Variants in SLC11A2 observed in about 807,000 individuals in gnomAD.
The protein encoded by SLC11A2 is solute carrier family 11 member 2, also known as natural resistance-associated macrophage protein 2.
A neutral mutation model predicts 68.0 loss-of-function variants in SLC11A2; 38 were observed. The observed-to-expected ratio is 0.56, with a 90% CI of 0.43 to 0.73. The LOEUF (loss-of-function observed/expected upper bound fraction) is 0.73, where lower values mean the gene tolerates loss of function less well. Among genes scored for constraint, SLC11A2 ranks in the 30% least tolerant of loss-of-function variants. The probability of loss-of-function intolerance (pLI) is 0.00; values close to 1 mark genes in which losing one functional copy is unlikely to be tolerated. For missense variants in SLC11A2, 517 were observed against 690.5 expected (o/e 0.75, Z 2.82); for synonymous variants, 242 against 250.6 (o/e 0.97, Z 0.32).
chr12:51,005,599 C>T, intron 3 of SLC11A2, 163 bp from the exon 4 acceptor site: 1 of 1,460,068 alleles, frequency 6.8e-7, no homozygotes, highest in Non-Finnish European at 9.2e-7. Flanking sequence ...ATCTTACCCA[C>T]TTTTTATTAA....
chr12:51,000,169 A>G, intron 6 of SLC11A2, 144 bp downstream of exon 6: 1 of 699,656 alleles, frequency 1.4e-6, no homozygotes, highest in South Asian at 1.5e-5. Flanking sequence ...ACCAGGGGAG[A>G]AGAAATTGTT....
chr12:51,005,438 T>G lies in SLC11A2; in HGVS notation c.184-2A>C. On this transcript the variant is annotated splice_acceptor_variant, in intron 3 of 15. Transcript: ENST00000262052. LOFTEE classifies it high-confidence loss of function. Reference sequence around the variant, plus strand: ...TTTACGAAAGCTAAAACAAGAGTACTGTACAAGAGAGGAAAAGAGATTAAA... The same window carrying G: ...TTTACGAAAGCTAAAACAAGAGTACGGTACAAGAGAGGAAAAGAGATTAAA... The G allele has an allele frequency of 6.2e-7, 1 of 1,613,638 alleles. No individual in the cohort carries two copies. Among genetic ancestry groups the G allele is most frequent in the Non-Finnish European group, 8.5e-7 (1 of 1,179,728 alleles).
chr12:50,983,655 T>C (rs758804496), downstream of SLC11A2, among the ~76,000 whole-genome samples: 2 of 152,008 alleles, frequency 1.3e-5, no homozygotes, highest in South Asian at 2.1e-4. Flanking sequence ...CTGACCAACA[T>C]GGTAAAACCC....
Position 51,004,842 on chromosome 12 carries a change from C to T in SLC11A2, c.375G>A (p.Leu125=), listed in dbSNP as rs1942584426. The change falls in exon 5 of 16, where the codon CTG becomes CTA. Residue 125 remains leucine (L), a synonymous_variant. Coordinates refer to ENST00000262052, the MANE Select transcript of SLC11A2 (RefSeq NM_000617.3). ...GLLLQRLAAR[L]GVVTGLHLAE... The stretch of plus-strand genomic sequence containing the variant: ...CAAGATGCAGCCCAGTAACCACTCC[C>T]AGTCTAGCTGCAAGCCGCTGGAGCA... 4 of 1,613,948 alleles carry T rather than the reference C, an allele frequency of 2.5e-6. No homozygotes were observed. Among genetic ancestry groups the T allele is most frequent in the Non-Finnish European group, 2.5e-6 (3 of 1,179,966 alleles).
upstream of SLC11A2, chr12:51,028,486 T>G: frequency 2.5e-6 from 1 of 407,702 alleles, no homozygotes; most frequent in South Asian, 7.1e-5. Context: ...TTCAAAAATT[T>G]TATTCTAAGA....
In SLC11A2 at chr12:50,994,501, A is replaced by G. The variant is rs767388054; in HGVS notation, c.1077+43T>C. On this transcript the variant is annotated intron_variant, in intron 11 of 15. Coordinates refer to ENST00000262052, the MANE Select transcript of SLC11A2 (RefSeq NM_000617.3). ...AAAAAGACCACATACTATGCTAAAAATACTGATTCAGGAACAAAGATCACA... is the reference window on the plus strand; with the variant it reads ...AAAAAGACCACATACTATGCTAAAAGTACTGATTCAGGAACAAAGATCACA... 5 of 1,271,882 alleles carry G rather than the reference A, an allele frequency of 3.9e-6. No individual in the cohort carries two copies. In the African/African-American group the frequency reaches 5.9e-5, roughly 15 times the overall value. The allele number at this position is 1,271,882 out of a possible 1,614,324, so 78.8% of individuals were successfully genotyped here.
intron 3 of SLC11A2, among the ~76,000 whole-genome samples, chr12:51,007,491 C>T (rs556388183): frequency 7.3e-5 from 11 of 151,424 alleles, no homozygotes; most frequent in Non-Finnish European, 1.2e-4. Flanking sequence ...CCCACCACTA[C>T]GCCCAGCTAA....
intron 1 of SLC11A2, among the ~76,000 whole-genome samples, chr12:51,023,086 C>A (rs1944153183): frequency 6.6e-6 from 1 of 152,152 alleles, no homozygotes; most frequent in South Asian, 2.1e-4. Context: ...CTTGAAGGCT[C>A]TTCTTTGTGT....
At position 51,009,720 on chromosome 12, in the gene SLC11A2, C is replaced by G. The variant is rs185428095; in HGVS notation, c.34+975G>C. On this transcript the variant is annotated intron_variant, in intron 2 of 15. Transcript: ENST00000262052. ...CTGTATTTTACTGCTCCATACACATCTGAAACACCAGGAAGCATCATGAGT... is the reference window on the plus strand; with the variant it reads ...CTGTATTTTACTGCTCCATACACATGTGAAACACCAGGAAGCATCATGAGT... 5.1e-4 allele frequency among the ~76,000 whole-genome samples: 77 copies of G among 152,338 alleles called. 1 individual carries two copies. Among genetic ancestry groups the G allele is most frequent in the Admixed American group, 2.0e-3 (30 of 15,306 alleles).
At chr12:50,961,091 C>T in the SLC11A2 span, 1 of 1,613,822 alleles carries the variant, frequency 6.2e-7, no homozygotes, top group Non-Finnish European at 8.5e-7. Flanking sequence ...GTTGTTGGAG[C>T]TGTGACTCTA....
chr12:50,956,795 C>A, the SLC11A2 span, among the ~76,000 whole-genome samples: 3 of 152,096 alleles, frequency 2.0e-5, no homozygotes, highest in Non-Finnish European at 4.4e-5. Flanking sequence ...ATCTTTGTGT[C>A]ATTTTCTTGA....
the SLC11A2 span, among the ~76,000 whole-genome samples, chr12:50,953,624 C>T: frequency 6.6e-6 from 1 of 152,172 alleles, no homozygotes; most frequent in Admixed American, 6.6e-5. Context: ...TAAAATGATA[C>T]TTTAAAAAGA....
chr12:50,959,513 T>G, the SLC11A2 span, among the ~76,000 whole-genome samples: 1 of 152,236 alleles, frequency 6.6e-6, no homozygotes, highest in Admixed American at 6.5e-5. Context: ...AACTCTTACT[T>G]ATCCAAAAAT....
intron 8 of SLC11A2, among the ~76,000 whole-genome samples, chr12:50,998,788 G>C (rs986984843): frequency 2.0e-5 from 3 of 152,138 alleles, no homozygotes; most frequent in African/African-American, 7.2e-5. Context: ...AGTTCAAGCT[G>C]CAATTAATAT....
downstream of SLC11A2, among the ~76,000 whole-genome samples, chr12:50,985,718 T>G (rs915146601): frequency 6.6e-6 from 1 of 152,216 alleles, no homozygotes; most frequent in African/African-American, 2.4e-5. Flanking sequence ...TTTCCCAAGT[T>G]TCAACATGGT....
downstream of SLC11A2, chr12:50,980,881 G>A (rs1202952493): frequency 6.6e-6 from 1 of 152,178 alleles, no homozygotes. Context: ...AATGTTAGAA[G>A]TTTCCTCTTT....
chr12:51,025,141 A>G (rs1304299323), intron 1 of SLC11A2, among the ~76,000 whole-genome samples: 3 of 152,314 alleles, frequency 2.0e-5, no homozygotes, highest in African/African-American at 7.2e-5. Flanking sequence ...CTATACCCTC[A>G]GATCAAAGTT....
Position 51,010,697 on chromosome 12 carries a change from T to A in SLC11A2, c.32A>T (p.Asp11Val). The A allele has an allele frequency of 6.5e-7, 1 of 1,545,918 alleles. No homozygotes were observed. Among genetic ancestry groups the A allele is most frequent in the Non-Finnish European group, 9.0e-7 (1 of 1,117,000 alleles). ...AATAACACAAAGCGGTAAATTACCATCTGACATCTTCTGTTCAGGACCCAG... is the reference window on the plus strand; with the variant it reads ...AATAACACAAAGCGGTAAATTACCAACTGACATCTTCTGTTCAGGACCCAG... MVLGPEQKMS[D>V]DSVSGDHGES... The change falls in exon 2 of 16, where the codon GAT becomes GTT. Residue 11 changes from aspartate to valine, a missense_variant and splice_region_variant. Transcript: ENST00000262052.
At chr12:51,000,039 G>C (rs1364692771) in intron 6 of SLC11A2, among the ~76,000 whole-genome samples, 2 of 151,878 alleles carry the variant, frequency 1.3e-5, no homozygotes, top group Admixed American at 6.6e-5. Context: ...AAAATAAAAA[G>C]ATAGTATCTA....
Sources: allele counts gnomAD v4.1 joint callset (sites outside exome capture counted in the v4.1 genomes callset), GRCh38; gene constraint gnomAD v4.1.1; transcripts MANE v1.5; gene names NCBI Gene and HGNC (gene_info 2026-07-23, HGNC 2026-07-21).